The following CMTM8 variants were observed in gnomAD, a reference collection of about 807,000 sequenced individuals.
The protein encoded by CMTM8 is CKLF-like MARVEL transmembrane domain-containing protein 8.
A neutral mutation model predicts 18.6 loss-of-function variants in CMTM8; 12 were observed. The ratio of observed to expected loss-of-function variants is 0.65; its 90% CI spans 0.41 to 1.05. The LOEUF is 1.05. Among genes scored for constraint, CMTM8 ranks in the 50% least tolerant of loss-of-function variants. CMTM8 has a pLI of 0.00. For missense variants in CMTM8, 217 were observed against 227.2 expected (o/e 0.95, Z 0.29); for synonymous variants, 87 against 90.6 (o/e 0.96, Z 0.23).
chr3:32,265,749 C>G, intron 1 of CMTM8, among the ~76,000 whole-genome samples: 1 of 149,870 alleles, frequency 6.7e-6, no homozygotes, highest in East Asian at 2.0e-4. Context: ...CAAATAGACG[C>G]AATAAAAAAT....
intron 1 of CMTM8, among the ~76,000 whole-genome samples, chr3:32,318,433 G>A (rs1382561378): frequency 6.6e-6 from 1 of 152,096 alleles, no homozygotes; most frequent in Non-Finnish European, 1.5e-5. Flanking sequence ...TAGCAGTGCT[G>A]AGACCCTGGG....
intron 1 of CMTM8, among the ~76,000 whole-genome samples, chr3:32,347,613 C>T (rs183920013): frequency 4.6e-5 from 7 of 152,254 alleles, no homozygotes; most frequent in Admixed American, 6.5e-5. Flanking sequence ...AATTGCCTCT[C>T]AGTGAAGTTT....
chr3:32,263,833 C>T (rs994165645), intron 1 of CMTM8, among the ~76,000 whole-genome samples: 3 of 151,838 alleles, frequency 2.0e-5, no homozygotes, highest in East Asian at 1.9e-4. Context: ...TTCGATCAAC[C>T]GGAAGAAAGG....
At chr3:32,314,659 T>G (rs1429970501) in intron 1 of CMTM8, among the ~76,000 whole-genome samples, 1 of 152,012 alleles carries the variant, frequency 6.6e-6, no homozygotes, top group Non-Finnish European at 1.5e-5. Flanking sequence ...TTTGTGTTTT[T>G]GGTAAGACAG....
At chr3:32,357,614 T>G in intron 2 of CMTM8, 68 bp downstream of exon 2, 1 of 1,483,744 alleles carries the variant, frequency 6.7e-7, no homozygotes. Flanking sequence ...CCTCTACTAG[T>G]CAATCCAAGA....
chr3:32,345,386 A>C (rs776157468), intron 1 of CMTM8, among the ~76,000 whole-genome samples: 1 of 152,212 alleles, frequency 6.6e-6, no homozygotes, highest in African/African-American at 2.4e-5. Context: ...TCTTCATAGA[A>C]AAACACACAT....
chr3:32,341,431 T>A (rs936522015), intron 1 of CMTM8, among the ~76,000 whole-genome samples: 18 of 152,202 alleles, frequency 1.2e-4, no homozygotes, highest in Non-Finnish European at 1.9e-4. Flanking sequence ...CTCTTTTTTT[T>A]AAGGTATTAA....
At chr3:32,361,287 T>TTTTTTTTTTGTTTTTTTTTTTG (rs1228929205) in intron 2 of CMTM8, among the ~76,000 whole-genome samples, 2 of 33,548 alleles carry the variant, frequency 6.0e-5, no homozygotes, top group Non-Finnish European at 9.9e-5. Context: ...AGCCTAAGAG[T>TTTTTTTTTTGTTTTTTTTTTTG]TTTTTTTTCT....
chr3:32,357,598 A>T, intron 2 of CMTM8, 52 bp downstream of exon 2: 1 of 1,554,724 alleles, frequency 6.4e-7, no homozygotes, highest in Non-Finnish European at 8.8e-7. Flanking sequence ...GGTAGATGGC[A>T]TTAGTCCTCT....
intron 1 of CMTM8, among the ~76,000 whole-genome samples, chr3:32,336,613 TA>T (rs148460422): frequency 3.7e-4 from 57 of 152,338 alleles, no homozygotes; most frequent in African/African-American, 1.4e-3. Flanking sequence ...CCTATACAAA[TA>T]CTGATGGTGC....
intron 3 of CMTM8, among the ~76,000 whole-genome samples, chr3:32,368,359 G>A (rs1282669668): frequency 6.6e-6 from 1 of 151,522 alleles, no homozygotes; most frequent in African/African-American, 2.4e-5. Flanking sequence ...GAAAATATTT[G>A]TTTATGCATT....
intron 1 of CMTM8, among the ~76,000 whole-genome samples, chr3:32,252,550 G>A (rs1043086764): frequency 1.2e-4 from 18 of 152,084 alleles, no homozygotes; most frequent in Non-Finnish European, 2.6e-4. Flanking sequence ...TTAAAGTGCT[G>A]AGTTTTTTCC....
chr3:32,326,400 G>A (rs1327226275), intron 1 of CMTM8, among the ~76,000 whole-genome samples: 1 of 151,868 alleles, frequency 6.6e-6, no homozygotes, highest in Non-Finnish European at 1.5e-5. Flanking sequence ...CATCCAAAGT[G>A]TTGCTAACTC....
At chr3:32,289,301 CTA>C (rs1172129055) in intron 1 of CMTM8, among the ~76,000 whole-genome samples, 3 of 152,206 alleles carry the variant, frequency 2.0e-5, no homozygotes, top group African/African-American at 7.2e-5. Context: ...TTAACCAACA[CTA>C]TGTGTGCTAA....
intron 1 of CMTM8, among the ~76,000 whole-genome samples, chr3:32,349,168 C>G (rs1367552778): frequency 6.6e-6 from 1 of 151,966 alleles, no homozygotes; most frequent in African/African-American, 2.4e-5. Flanking sequence ...ATAGGCTTTG[C>G]TTTCTTCATA....
chr3:32,243,037 C>G (rs1324501510), intron 1 of CMTM8, among the ~76,000 whole-genome samples: 3 of 151,516 alleles, frequency 2.0e-5, no homozygotes, highest in Non-Finnish European at 1.5e-5. Context: ...GGATTATAGG[C>G]GTGCACCACC....
intron 1 of CMTM8, chr3:32,258,915 C>T (rs983452398): frequency 7.0e-6 from 2 of 287,630 alleles, no homozygotes; most frequent in Admixed American, 3.7e-5. Flanking sequence ...CCCCTCGCTT[C>T]CCCACCCCAC....
intron 1 of CMTM8, among the ~76,000 whole-genome samples, chr3:32,266,848 T>C (rs1702353791): frequency 2.0e-5 from 3 of 152,146 alleles, no homozygotes; most frequent in South Asian, 2.1e-4. Context: ...CTCCCATTCA[T>C]AATTGCTTCA....
chr3:32,310,863 T>TA (rs765093656), intron 1 of CMTM8, among the ~76,000 whole-genome samples: 22 of 152,264 alleles, frequency 1.4e-4, no homozygotes, highest in Non-Finnish European at 2.9e-4. Context: ...CCTATGCTGC[T>TA]ATAATTTTTG....
Sources: allele counts gnomAD v4.1 joint callset (sites outside exome capture counted in the v4.1 genomes callset), GRCh38; gene constraint gnomAD v4.1.1; transcripts MANE v1.5; gene names NCBI Gene and HGNC (gene_info 2026-07-23, HGNC 2026-07-21).